SYNE1: variants seen among roughly 807,000 people sequenced by gnomAD.
SYNE1 encodes spectrin repeat containing nuclear envelope protein 1, also known as nesprin-1.
In SYNE1, 616 loss-of-function variants were observed where a neutral mutation model predicts 1,111.0. That is an observed-to-expected ratio of 0.55 (90% CI 0.52 to 0.59). The LOEUF is 0.59. SYNE1 is among the 20% of genes least tolerant of loss of function. The probability of loss-of-function intolerance (pLI) is 0.00; values close to 1 mark genes in which losing one functional copy is unlikely to be tolerated. For missense variants in SYNE1, 10,006 were observed against 10,417.0 expected (o/e 0.96, Z 1.72); for synonymous variants, 3,855 against 3,825.8 (o/e 1.01, Z -0.28).
intron 128 of SYNE1, among the ~76,000 whole-genome samples, chr6:152,188,305 GTTC>G (rs1369216653): frequency 6.6e-6 from 1 of 152,144 alleles, no homozygotes; most frequent in African/African-American, 2.4e-5. Flanking sequence ...ATTTGGGTCT[GTTC>G]TTCATTATGA....
chr6:152,130,760 G>A lies in SYNE1; in HGVS notation c.26113C>T (p.Leu8705Phe), dbSNP rs1347451340. 7 of 1,614,010 alleles carry A rather than the reference G, an allele frequency of 4.3e-6. No individual in the cohort carries two copies. Among genetic ancestry groups the A allele is most frequent in the Non-Finnish European group, 2.5e-6 (3 of 1,180,022 alleles). Reference protein sequence around the residue: ...RQKTPRGKCSLSQPGPSVSSP... With the variant: ...RQKTPRGKCSFSQPGPSVSSP... ...CTGACAGAGGGTCCAGGCTGTGAGAGACTACACTTGCCTCGTGGCTGTTTG... is the reference window on the plus strand; with the variant it reads ...CTGACAGAGGGTCCAGGCTGTGAGAAACTACACTTGCCTCGTGGCTGTTTG... Residue 8705 changes from leucine (L) to phenylalanine (F), a missense_variant, in exon 145 of 146, where the codon CTC becomes TTC. Leu to Phe is a conservative substitution (Grantham distance 22). This residue lies in a region of SYNE1 where 761 missense variants were observed against 795.5 expected (regional missense o/e 0.96). Transcript: ENST00000367255.
At chr6:152,484,607 A>G (rs1395888404) in intron 13 of SYNE1, among the ~76,000 whole-genome samples, 2 of 152,188 alleles carry the variant, frequency 1.3e-5, no homozygotes, top group Non-Finnish European at 2.9e-5. Context: ...AATTGCTGAT[A>G]TCACATAGAG....
intron 123 of SYNE1, 91 bp downstream of exon 123, chr6:152,213,521 C>T: frequency 7.1e-7 from 1 of 1,417,360 alleles, no homozygotes; most frequent in Non-Finnish European, 1.0e-6. Context: ...GTGCAAAGGG[C>T]ATGATTTTAA....
At chr6:152,497,234 A>G (rs1014113792) in intron 11 of SYNE1, among the ~76,000 whole-genome samples, 1 of 152,188 alleles carries the variant, frequency 6.6e-6, no homozygotes, top group Non-Finnish European at 1.5e-5. Context: ...ATCACTCAAT[A>G]TATGATTGCA....
At position 152,484,843 on chromosome 6, in the gene SYNE1, T is replaced by G; in HGVS notation, c.1177A>C (p.Thr393Pro). The part of the protein sequence containing the change: ...ALVKQSWDRV[T>P]SRLFDWHIQL... Reference sequence around the variant, plus strand: ...ATTGTGGGAGAACTTACCCTGGAGGTCACTCTATCCCAAGATTGTTTTACC... The same window carrying G: ...ATTGTGGGAGAACTTACCCTGGAGGGCACTCTATCCCAAGATTGTTTTACC... Residue 393 changes from threonine to proline, a missense_variant, in exon 13 of 146, where the codon ACC (threonine) becomes CCC (proline). By Grantham distance (38) the Thr-to-Pro change is conservative (BLOSUM62 -1). Coordinates refer to ENST00000367255, the MANE Select transcript of SYNE1 (RefSeq NM_182961.4). 6.2e-7 allele frequency: 1 copy of G among 1,613,706 alleles called. No individual in the cohort carries two copies. The highest frequency in any genetic ancestry group is 8.5e-7 in the Non-Finnish European group (1 of 1,179,904).
intron 111 of SYNE1, among the ~76,000 whole-genome samples, 153 bp downstream of exon 111, chr6:152,234,515 G>A (rs1221367642): frequency 1.3e-5 from 2 of 152,048 alleles, no homozygotes; most frequent in African/African-American, 2.4e-5. Context: ...GGCTGGTCCC[G>A]AACTCCTGAC....
In SYNE1 at chr6:152,398,640, T is replaced by G. The variant is rs778432133; in HGVS notation, c.7329A>C (p.Glu2443Asp). Residue 2443 changes from glutamate to aspartate, a missense_variant, in exon 49 of 146, where the codon GAA becomes GAC. By Grantham distance (45) the Glu-to-Asp change is conservative. Coordinates refer to ENST00000367255, the MANE Select transcript of SYNE1 (RefSeq NM_182961.4). ...SDRTGDSKVL[E>D]AKLHDLQNIL... is the part of the protein sequence containing the mutation. Reference sequence around the variant, plus strand: ...ATACCTGAAGATCATGGAGCTTTGCTTCTAGAACTTTGCTGTCACCGGTGC... The same window carrying G: ...ATACCTGAAGATCATGGAGCTTTGCGTCTAGAACTTTGCTGTCACCGGTGC... 6.2e-7 allele frequency: 1 copy of G among 1,613,964 alleles called. No homozygotes were observed. Among genetic ancestry groups the G allele is most frequent in the Admixed American group, 1.7e-5 (1 of 60,020 alleles).
At chr6:152,569,171 G>A (rs2128293912) in intron 3 of SYNE1, among the ~76,000 whole-genome samples, 1 of 152,308 alleles carries the variant, frequency 6.6e-6, no homozygotes, top group East Asian at 1.9e-4. Flanking sequence ...ACCTACAGAA[G>A]CAGATCAGCA....
chr6:152,204,722 C>T (rs1587758789), intron 126 of SYNE1, among the ~76,000 whole-genome samples: 1 of 152,254 alleles, frequency 6.6e-6, no homozygotes, highest in South Asian at 2.1e-4. Context: ...ATAACCAAGT[C>T]CTTTTATGAC....
intron 116 of SYNE1, among the ~76,000 whole-genome samples, chr6:152,225,407 G>T (rs540759120): frequency 1.3e-5 from 2 of 152,032 alleles, no homozygotes; most frequent in South Asian, 4.2e-4. Flanking sequence ...AGCTTGGTTT[G>T]CATCACTTAG....
In SYNE1 at chr6:152,329,720, T is replaced by C. The variant is rs769974818; in HGVS notation, c.14955+10A>G. 4 of 1,614,094 alleles carry C rather than the reference T, an allele frequency of 2.5e-6. No homozygotes were observed. Among genetic ancestry groups the C allele is most frequent in the Admixed American group, 3.3e-5 (2 of 60,008 alleles). On this transcript the variant is annotated intron_variant, in intron 78 of 145. Transcript: ENST00000367255. Reference sequence around the variant, plus strand: ...TGGAAAAAAGAGAAGTGAAGTCCTATTATACCCACCTGTCTGGTGCGTAAG... The same window carrying C: ...TGGAAAAAAGAGAAGTGAAGTCCTACTATACCCACCTGTCTGGTGCGTAAG...
chr6:152,278,009 C>T, intron 98 of SYNE1, 80 bp downstream of exon 98: 1 of 1,519,248 alleles, frequency 6.6e-7, no homozygotes, highest in East Asian at 2.2e-5. Context: ...CCAACCTGTT[C>T]CTTTACCTGG....
At chr6:152,609,015 T>C (rs997638632) in intron 3 of SYNE1, among the ~76,000 whole-genome samples, 1 of 151,944 alleles carries the variant, frequency 6.6e-6, no homozygotes, top group Non-Finnish European at 1.5e-5. Context: ...GATGGCCAAA[T>C]AGGAAGAGCT....
intron 10 of SYNE1, among the ~76,000 whole-genome samples, chr6:152,500,555 T>C (rs1376175431): frequency 1.3e-5 from 2 of 152,244 alleles, no homozygotes; most frequent in Non-Finnish European, 2.9e-5. Context: ...TATTCTTTTA[T>C]GAAGTCACTG....
intron 54 of SYNE1, among the ~76,000 whole-genome samples, chr6:152,386,280 C>A (rs1279835660): frequency 6.6e-6 from 1 of 152,122 alleles, no homozygotes; most frequent in East Asian, 1.9e-4. Context: ...AAAAGACACT[C>A]AAGCTTAGAG....
In SYNE1 at chr6:152,122,439, G is replaced by A. The variant is rs201891399; in HGVS notation, c.26391C>T (p.Leu8797=). ...MLRYTNGPPP[L] is the part of the protein sequence containing the mutation. ...CTGCAGATGGCATCTGCTTAGTTCA[G>A]AGTGGAGGAGGGCCATTCGTGTATC... Residue 8797 remains leucine (L), a synonymous_variant, in exon 146 of 146, where the codon CTC becomes CTT. Coordinates refer to ENST00000367255, the MANE Select transcript of SYNE1 (RefSeq NM_182961.4). 6.8e-6 allele frequency: 11 copies of A among 1,614,148 alleles called. 1 individual carries two copies. The East Asian group carries it at 2.5e-4, about 36-fold the overall frequency.
At chr6:152,312,794 A>T (rs1003669066) in intron 87 of SYNE1, among the ~76,000 whole-genome samples, 1 of 152,126 alleles carries the variant, frequency 6.6e-6, no homozygotes, top group African/African-American at 2.4e-5. Flanking sequence ...GCACATTTTT[A>T]GGTATTAATA....
At chr6:152,258,204 T>C (rs1481934473) in intron 101 of SYNE1, among the ~76,000 whole-genome samples, 3 of 152,186 alleles carry the variant, frequency 2.0e-5, no homozygotes, top group African/African-American at 4.8e-5. Context: ...CCAAACATGA[T>C]AGAACCTGAG....
At chr6:152,603,205 G>C (rs929139783) in intron 3 of SYNE1, among the ~76,000 whole-genome samples, 4 of 152,132 alleles carry the variant, frequency 2.6e-5, no homozygotes, top group Admixed American at 6.5e-5. Context: ...ATGAGGCTGA[G>C]CACTGAGGCA....
Sources: allele counts gnomAD v4.1 joint callset (sites outside exome capture counted in the v4.1 genomes callset), GRCh38; gene constraint gnomAD v4.1.1; regional missense constraint gnomAD v4.1.1; transcripts MANE v1.5; gene names NCBI Gene and HGNC (gene_info 2026-07-23, HGNC 2026-07-21).